ADAMTS20: variants seen among roughly 807,000 people sequenced by gnomAD.
ADAMTS20 encodes A disintegrin and metalloproteinase with thrombospondin motifs 20.
Under a neutral mutation model 260.1 loss-of-function variants are expected in ADAMTS20, and 225 were observed. The ratio of observed to expected loss-of-function variants is 0.87; its 90% CI spans 0.78 to 0.97. ADAMTS20 has a LOEUF of 0.97. ADAMTS20 is among the 50% of genes least tolerant of loss of function. The probability of loss-of-function intolerance (pLI) is 0.00; values close to 1 mark genes in which losing one functional copy is unlikely to be tolerated. For synonymous variants in ADAMTS20, 802 were observed against 769.5 expected (o/e 1.04, Z -0.70); for missense variants, 2,400 against 2,337.7 (o/e 1.03, Z -0.55).
At chr12:43,497,104 A>T (rs924710863) in intron 4 of ADAMTS20, among the ~76,000 whole-genome samples, 2 of 152,188 alleles carry the variant, frequency 1.3e-5, no homozygotes, top group African/African-American at 4.8e-5. Context: ...TTATTGATCT[A>T]CTTAAAATGT....
chr12:43,420,633 T>G (rs1424084505), intron 28 of ADAMTS20, among the ~76,000 whole-genome samples: 1 of 151,878 alleles, frequency 6.6e-6, no homozygotes, highest in African/African-American at 2.4e-5. Context: ...TCTTCCTGAG[T>G]GCATTTCTCT....
At chr12:43,508,656 T>A (rs1845805181) in intron 3 of ADAMTS20, among the ~76,000 whole-genome samples, 2 of 152,194 alleles carry the variant, frequency 1.3e-5, no homozygotes, top group South Asian at 4.1e-4. Flanking sequence ...TATATATTTA[T>A]GGGGTACATG....
intron 2 of ADAMTS20, among the ~76,000 whole-genome samples, chr12:43,534,232 A>C (rs901903829): frequency 6.8e-6 from 1 of 146,760 alleles, no homozygotes. Flanking sequence ...TACTCATCTG[A>C]CAAAGGGCTA....
At chr12:43,447,183 C>A (rs201960195) in intron 14 of ADAMTS20, among the ~76,000 whole-genome samples, 1 of 146,038 alleles carries the variant, frequency 6.8e-6, no homozygotes, top group Non-Finnish European at 1.5e-5. Context: ...AGAGACACGA[C>A]AAAAAAAAAA....
chr12:43,529,107 C>T (rs1331326224), intron 3 of ADAMTS20, among the ~76,000 whole-genome samples: 2 of 152,066 alleles, frequency 1.3e-5, no homozygotes, highest in African/African-American at 4.8e-5. Context: ...TGGGATACTA[C>T]CTTGCTCCTG....
downstream of ADAMTS20, among the ~76,000 whole-genome samples, chr12:43,353,106 A>G (rs540920946): frequency 6.6e-6 from 1 of 152,206 alleles, no homozygotes; most frequent in South Asian, 2.1e-4. Context: ...CCATAGAAAA[A>G]TATATTTGTC....
At chr12:43,506,706 G>A (rs368694183) in intron 3 of ADAMTS20, among the ~76,000 whole-genome samples, 13 of 151,494 alleles carry the variant, frequency 8.6e-5, no homozygotes, top group South Asian at 8.3e-4. Flanking sequence ...TCTCGATATC[G>A]TGACCTTGTG....
chr12:43,410,822 T>C (rs1190300255), intron 28 of ADAMTS20, among the ~76,000 whole-genome samples: 2 of 152,196 alleles, frequency 1.3e-5, no homozygotes, highest in African/African-American at 4.8e-5. Flanking sequence ...AGAATGAGAA[T>C]TGGAAGCAAA....
chr12:43,427,517 A>G, intron 26 of ADAMTS20, 48 bp from the exon 27 acceptor site: 1 of 1,517,184 alleles, frequency 6.6e-7, no homozygotes. Context: ...GATTCCACAT[A>G]ATGAATTTAC....
intron 22 of ADAMTS20, among the ~76,000 whole-genome samples, chr12:43,431,056 T>C (rs1941432973): frequency 6.6e-6 from 1 of 152,244 alleles, no homozygotes; most frequent in Non-Finnish European, 1.5e-5. Flanking sequence ...GATGAAAATA[T>C]TTATAATCTA....
At chr12:43,528,686 C>G (rs780772611) in intron 3 of ADAMTS20, among the ~76,000 whole-genome samples, 9 of 152,046 alleles carry the variant, frequency 5.9e-5, no homozygotes, top group Non-Finnish European at 8.8e-5. Context: ...AAATCTAAGA[C>G]CTGAAACCAT....
At chr12:43,378,870 G>C (rs1940287705) in intron 31 of ADAMTS20, among the ~76,000 whole-genome samples, 1 of 152,180 alleles carries the variant, frequency 6.6e-6, no homozygotes, top group Admixed American at 6.5e-5. Flanking sequence ...AGTTTTTTCA[G>C]AACTCTAGAA....
chr12:43,483,439 T>C (rs1469545931), intron 7 of ADAMTS20, among the ~76,000 whole-genome samples: 2 of 152,136 alleles, frequency 1.3e-5, no homozygotes. Flanking sequence ...CTGGTGCTCA[T>C]GAAGGGTCTT....
At chr12:43,430,208 A>G (rs1565694186) in intron 23 of ADAMTS20, 144 bp downstream of exon 23, 3 of 960,710 alleles carry the variant, frequency 3.1e-6, no homozygotes, top group African/African-American at 3.4e-5. Context: ...AACAAATTCT[A>G]TTTTTTTGCC....
At chr12:43,384,965 A>G (rs1053502368) in intron 29 of ADAMTS20, among the ~76,000 whole-genome samples, 1 of 152,200 alleles carries the variant, frequency 6.6e-6, no homozygotes, top group Non-Finnish European at 1.5e-5. Flanking sequence ...TCCTATGCAC[A>G]TATACCAAAA....
chr12:43,529,147 A>C (rs567095841), intron 3 of ADAMTS20, among the ~76,000 whole-genome samples: 12 of 152,300 alleles, frequency 7.9e-5, no homozygotes, highest in Middle Eastern at 3.4e-3. Context: ...AAAGTCAAAA[A>C]ACAATAGATA....
chr12:43,431,618 T>C, intron 21 of ADAMTS20, 122 bp from the exon 22 acceptor site: 1 of 1,138,322 alleles, frequency 8.8e-7, no homozygotes, highest in Non-Finnish European at 1.3e-6. Context: ...AAATGCATTT[T>C]CCCTCACTCC....
At chr12:43,447,813 G>A (rs1448842825) in intron 14 of ADAMTS20, among the ~76,000 whole-genome samples, 1 of 152,004 alleles carries the variant, frequency 6.6e-6, no homozygotes, top group African/African-American at 2.4e-5. Context: ...CAAAATCAAT[G>A]TACAAAACTT....
At chr12:43,537,352 G>A (rs1375371771) in intron 2 of ADAMTS20, among the ~76,000 whole-genome samples, 3 of 151,884 alleles carry the variant, frequency 2.0e-5, no homozygotes, top group Non-Finnish European at 4.4e-5. Context: ...ACCACACCCG[G>A]CCCTTACTTT....
Sources: gnomAD v4.1 joint callset for allele counts (sites outside exome capture counted in the v4.1 genomes callset) on GRCh38, gnomAD v4.1.1 for gene constraint, MANE v1.5 for transcripts, NCBI Gene and HGNC (gene_info 2026-07-23, HGNC 2026-07-21) for gene names.